Variants in GALNTL6 observed in about 807,000 individuals in gnomAD.
GALNTL6 encodes the protein polypeptide N-acetylgalactosaminyltransferase-like 6.
Under a neutral mutation model 73.7 loss-of-function variants are expected in GALNTL6, and 46 were observed. The observed-to-expected ratio is 0.62, with a 90% CI of 0.49 to 0.80. The LOEUF is 0.80. Among genes scored for constraint, GALNTL6 ranks in the 30% least tolerant of loss-of-function variants. GALNTL6 has a pLI of 0.00. For missense variants in GALNTL6, 604 were observed against 755.0 expected (o/e 0.80, Z 2.34); for synonymous variants, 259 against 263.7 (o/e 0.98, Z 0.17).
intron 8 of GALNTL6, among the ~76,000 whole-genome samples, chr4:172,903,307 C>T (rs1172457834): frequency 5.9e-5 from 9 of 152,126 alleles, no homozygotes; most frequent in Non-Finnish European, 1.5e-5. Flanking sequence ...CGATTTACTG[C>T]AGGGATTTTA....
intron 5 of GALNTL6, among the ~76,000 whole-genome samples, chr4:172,766,480 A>T (rs1407211495): frequency 1.3e-4 from 20 of 152,098 alleles, no homozygotes. Flanking sequence ...CAATGTCTCT[A>T]ACATAATGAG....
At chr4:172,987,351 T>C (rs111989251) in intron 10 of GALNTL6, among the ~76,000 whole-genome samples, 2,034 of 152,200 alleles carry the variant, frequency 0.013, 14 homozygotes, top group Non-Finnish European at 0.021. Flanking sequence ...AAGCCTCTTA[T>C]AGAACCATCA....
intron 2 of GALNTL6, among the ~76,000 whole-genome samples, chr4:172,011,637 C>A (rs1450528026): frequency 6.6e-6 from 1 of 151,970 alleles, no homozygotes; most frequent in African/African-American, 2.4e-5. Context: ...GATAAAATCA[C>A]TTTCCTATAT....
intron 4 of GALNTL6, among the ~76,000 whole-genome samples, chr4:172,336,934 T>C (rs548215354): frequency 6.6e-6 from 1 of 152,280 alleles, no homozygotes; most frequent in African/African-American, 2.4e-5. Flanking sequence ...TGCTCCAACA[T>C]TGGTACGCGT....
At chr4:172,763,356 T>G (rs1738228660) in intron 5 of GALNTL6, among the ~76,000 whole-genome samples, 1 of 152,212 alleles carries the variant, frequency 6.6e-6, no homozygotes, top group African/African-American at 2.4e-5. Context: ...AGTCTTAGAT[T>G]TATTTTCTCA....
chr4:172,462,986 A>G (rs911499542), intron 5 of GALNTL6, among the ~76,000 whole-genome samples: 1 of 152,210 alleles, frequency 6.6e-6, no homozygotes, highest in African/African-American at 2.4e-5. Flanking sequence ...ACAAAATACA[A>G]GGACTGCCTA....
intron 8 of GALNTL6, 104 bp from the exon 9 acceptor site, chr4:172,931,057 T>C (rs1748307655): frequency 6.9e-6 from 5 of 721,508 alleles, no homozygotes. Context: ...AAATTATTGA[T>C]TTAAAGACTT....
At chr4:172,328,338 C>T (rs1007160421) in intron 4 of GALNTL6, among the ~76,000 whole-genome samples, 26 of 152,028 alleles carry the variant, frequency 1.7e-4, no homozygotes, top group Non-Finnish European at 5.9e-5. Flanking sequence ...TTTCATTTTG[C>T]CCTTGGAAAA....
intron 3 of GALNTL6, among the ~76,000 whole-genome samples, chr4:172,288,299 G>C (rs551636946): frequency 6.6e-6 from 1 of 152,146 alleles, no homozygotes; most frequent in African/African-American, 2.4e-5. Flanking sequence ...CACTGTGTTA[G>C]CCAGGACGGT....
intron 4 of GALNTL6, among the ~76,000 whole-genome samples, chr4:172,325,770 T>C (rs1202691999): frequency 6.6e-6 from 1 of 151,660 alleles, no homozygotes; most frequent in Non-Finnish European, 1.5e-5. Context: ...TATGCAAAGA[T>C]TAAAATCACA....
chr4:172,037,445 G>A (rs1353247817), intron 2 of GALNTL6, among the ~76,000 whole-genome samples: 2 of 151,984 alleles, frequency 1.3e-5, no homozygotes, highest in Non-Finnish European at 2.9e-5. Flanking sequence ...TTGTGCAGAT[G>A]GCCATGCCTA....
Position 172,678,167 on chromosome 4 carries a change from C to T in GALNTL6, c.554-131194C>T, listed in dbSNP as rs558006351. ...CTGTTTTCAACTGAGGCCTACAGGG[C>T]GATTTGGCACTGGCTGTGACTGGAC... On this transcript the variant is annotated intron_variant, in intron 5 of 12. Coordinates refer to ENST00000506823, the MANE Select transcript of GALNTL6 (RefSeq NM_001034845.3). 1.6e-4 allele frequency among the ~76,000 whole-genome samples: 24 copies of T among 152,124 alleles called. 1 individual carries two copies. The highest frequency in any genetic ancestry group is 6.5e-5 in the Admixed American group (1 of 15,276).
At chr4:172,596,862 A>T (rs1737875372) in intron 5 of GALNTL6, among the ~76,000 whole-genome samples, 1 of 152,176 alleles carries the variant, frequency 6.6e-6, no homozygotes, top group Non-Finnish European at 1.5e-5. Flanking sequence ...CAAACTTACT[A>T]TGTAGAATTT....
At chr4:172,514,469 C>T (rs180826659) in intron 5 of GALNTL6, among the ~76,000 whole-genome samples, 9 of 152,270 alleles carry the variant, frequency 5.9e-5, no homozygotes, top group Middle Eastern at 3.4e-3. Context: ...AGGCAGCCAG[C>T]GAGCAGGGCT....
chr4:172,700,019 C>T (rs1733937832), intron 5 of GALNTL6, among the ~76,000 whole-genome samples: 1 of 152,040 alleles, frequency 6.6e-6, no homozygotes, highest in Admixed American at 6.6e-5. Flanking sequence ...AAACTTCCGT[C>T]AATGACCTAT....
At position 172,908,251 on chromosome 4, in the gene GALNTL6, C is replaced by T. The variant is rs112979896; in HGVS notation, c.1042-22910C>T. Among the ~76,000 whole-genome samples the T allele has an allele frequency of 4.1e-3, 621 of 152,090 alleles. 6 individuals carry two copies. The highest frequency in any genetic ancestry group is 0.014 in the African/African-American group (586 of 41,494). On this transcript the variant is annotated intron_variant, in intron 8 of 12. Coordinates refer to ENST00000506823, the MANE Select transcript of GALNTL6 (RefSeq NM_001034845.3). ...GTGCTTGGCCACAGGTAACTGAAAC[C>T]ATGGAAAGAGAAGTCATGAATAAAG...
chr4:172,411,006 G>T (rs1003407941), intron 5 of GALNTL6, among the ~76,000 whole-genome samples: 3 of 152,014 alleles, frequency 2.0e-5, no homozygotes, highest in Admixed American at 6.6e-5. Context: ...AGACCCTGGG[G>T]GTTAAAATGT....
intron 5 of GALNTL6, among the ~76,000 whole-genome samples, chr4:172,568,736 C>T (rs1326179563): frequency 1.6e-5 from 2 of 125,396 alleles, no homozygotes; most frequent in South Asian, 2.5e-4. Flanking sequence ...CCAGCCTGGG[C>T]CACAGAGCGA....
At chr4:171,863,066 G>T (rs1735877977) in intron 2 of GALNTL6, among the ~76,000 whole-genome samples, 2 of 152,204 alleles carry the variant, frequency 1.3e-5, no homozygotes, top group South Asian at 4.1e-4. Flanking sequence ...AGGAAAGTTA[G>T]GTATCTAATT....
Sources: gnomAD v4.1 joint callset for allele counts (sites outside exome capture counted in the v4.1 genomes callset) on GRCh38, gnomAD v4.1.1 for gene constraint, MANE v1.5 for transcripts, NCBI Gene and HGNC (gene_info 2026-07-23, HGNC 2026-07-21) for gene names.